RYR2: variants seen among roughly 807,000 people sequenced by gnomAD.
RYR2 encodes the protein cardiac muscle ryanodine receptor-calcium release channel.
In RYR2, 227 loss-of-function variants were observed where a neutral mutation model predicts 601.1. That is an observed-to-expected ratio of 0.38 (90% CI 0.34 to 0.42). RYR2 has a LOEUF of 0.42. Ranked by LOEUF, RYR2 falls within the 10% of genes least tolerant of loss-of-function variation. The probability of loss-of-function intolerance (pLI) is 1.00; values close to 1 mark genes in which losing one functional copy is unlikely to be tolerated. For synonymous variants in RYR2, 2,223 were observed against 2,175.1 expected, an observed-to-expected ratio of 1.02 and a Z score of -0.61; for missense variants, 4,646 against 6,156.5, an observed-to-expected ratio of 0.75 and a Z score of 8.21.
At chr1:237,532,316 C>G (rs962119574) in intron 25 of RYR2, among the ~76,000 whole-genome samples, 6 of 152,014 alleles carry the variant, frequency 3.9e-5, no homozygotes, top group African/African-American at 1.2e-4. Context: ...TGGTTGCATT[C>G]TTCGTTCACA....
chr1:237,832,683 A>ACC lies in RYR2; in HGVS notation c.*39_*40dup. On this transcript the variant is annotated 3_prime_UTR_variant, in exon 105 of 105. Coordinates refer to ENST00000366574, the MANE Select transcript of RYR2 (RefSeq NM_001035.3). ...AATCACCTCTAAAAACCAAAACCCT[A>ACC]CCCCTCTCTCTCCCTCTCTCAATTT... is the stretch of plus-strand genomic sequence containing the variant. 8.1e-7 allele frequency: 1 copy of ACC among 1,234,304 alleles called. No individual in the cohort carries two copies. Among genetic ancestry groups the ACC allele is most frequent in the Non-Finnish European group, 1.2e-6 (1 of 845,540 alleles). 76.5% of individuals were successfully genotyped at this position (1,234,304 alleles called of 1,614,324 possible).
At chr1:237,205,442 T>C (rs1681703261) in intron 1 of RYR2, among the ~76,000 whole-genome samples, 1 of 152,190 alleles carries the variant, frequency 6.6e-6, no homozygotes, top group Non-Finnish European at 1.5e-5. Context: ...TGCAAACATA[T>C]GGATGCCATG....
At chr1:237,384,230 C>T (rs16835188) in intron 8 of RYR2, among the ~76,000 whole-genome samples, 8,696 of 152,242 alleles carry the variant, frequency 0.057, 423 homozygotes, top group African/African-American at 0.12. Context: ...ATGGTTCTCT[C>T]ATATTTATTA....
At chr1:237,393,969 A>G (rs1702605282) in intron 10 of RYR2, among the ~76,000 whole-genome samples, 1 of 152,216 alleles carries the variant, frequency 6.6e-6, no homozygotes, top group South Asian at 2.1e-4. Context: ...CTTGGCAAAA[A>G]TGAAAAACAA....
At chr1:237,433,459 T>C (rs59364853) in intron 12 of RYR2, among the ~76,000 whole-genome samples, 27,999 of 152,050 alleles carry the variant, frequency 0.18, 4,165 homozygotes, top group African/African-American at 0.41. Context: ...GAACTTATAA[T>C]TATTGAAACA....
intron 1 of RYR2, among the ~76,000 whole-genome samples, chr1:237,189,857 A>G (rs781762835): frequency 4.7e-5 from 7 of 148,640 alleles, no homozygotes; most frequent in East Asian, 4.0e-4. Context: ...AGAAAATTCC[A>G]TACTGTTTTA....
chr1:237,626,419 C>T (rs949796609), intron 40 of RYR2, among the ~76,000 whole-genome samples: 3 of 151,616 alleles, frequency 2.0e-5, no homozygotes, highest in Non-Finnish European at 2.9e-5. Flanking sequence ...AATAAACTTA[C>T]GAAAACTTTT....
chr1:237,266,722 G>T (rs540437318), intron 1 of RYR2, among the ~76,000 whole-genome samples: 14 of 152,306 alleles, frequency 9.2e-5, no homozygotes, highest in African/African-American at 2.6e-4. Flanking sequence ...TGTCAGATTA[G>T]GTTGTATCAT....
At chr1:237,759,212 G>A (rs915529250) in intron 82 of RYR2, among the ~76,000 whole-genome samples, 9 of 151,998 alleles carry the variant, frequency 5.9e-5, no homozygotes, top group Non-Finnish European at 1.0e-4. Flanking sequence ...TCAGCCTCCC[G>A]AGTAGCTGGG....
chr1:237,702,404 A>G (rs1688041494), intron 66 of RYR2, among the ~76,000 whole-genome samples: 1 of 152,088 alleles, frequency 6.6e-6, no homozygotes, highest in South Asian at 2.1e-4. Context: ...TATTAAACCT[A>G]GTTTTATTTT....
At chr1:237,134,494 T>A (rs1230828409) in intron 1 of RYR2, among the ~76,000 whole-genome samples, 5 of 151,910 alleles carry the variant, frequency 3.3e-5, no homozygotes, top group Non-Finnish European at 2.9e-5. Context: ...AATCATCAGA[T>A]CTCATGAAAC....
intron 84 of RYR2, among the ~76,000 whole-genome samples, chr1:237,762,072 C>T (rs1441325024): frequency 6.6e-6 from 1 of 152,174 alleles, no homozygotes; most frequent in Non-Finnish European, 1.5e-5. Flanking sequence ...ATTGCTACCA[C>T]TATGTGGCTC....
At chr1:237,571,374 G>T (rs1451711136) in intron 29 of RYR2, among the ~76,000 whole-genome samples, 2 of 149,832 alleles carry the variant, frequency 1.3e-5, no homozygotes, top group Non-Finnish European at 3.0e-5. Flanking sequence ...GAGTGCAATG[G>T]CGCGATCTTG....
At chr1:237,615,166 A>G (rs1678331799) in intron 37 of RYR2, among the ~76,000 whole-genome samples, 1 of 151,998 alleles carries the variant, frequency 6.6e-6, no homozygotes, top group Admixed American at 6.6e-5. Flanking sequence ...TCACATAGCA[A>G]GGTTTTACTT....
chr1:237,616,960 G>A (rs768638931), intron 37 of RYR2, among the ~76,000 whole-genome samples: 3 of 152,060 alleles, frequency 2.0e-5, no homozygotes, highest in African/African-American at 7.2e-5. Flanking sequence ...ACAGCATGGG[G>A]GAAGACACCC....
chr1:237,765,519 T>C (rs12125297), intron 84 of RYR2, among the ~76,000 whole-genome samples: 9,391 of 152,314 alleles, frequency 0.062, 309 homozygotes, highest in Non-Finnish European at 0.079. Flanking sequence ...TATAATCATC[T>C]AATCAAATTT....
chr1:237,127,978 G>T (rs549520086), intron 1 of RYR2, among the ~76,000 whole-genome samples: 1 of 152,336 alleles, frequency 6.6e-6, no homozygotes, highest in East Asian at 1.9e-4. Context: ...CTTCCCAGAT[G>T]GGGTGGCGGC....
At chr1:237,825,950 CA>C (rs1420878709) in intron 101 of RYR2, among the ~76,000 whole-genome samples, 1 of 152,102 alleles carries the variant, frequency 6.6e-6, no homozygotes, top group Non-Finnish European at 1.5e-5. Context: ...AAATGCAAAT[CA>C]AAACCACAGT....
chr1:237,726,262 ATTTC>A lies in RYR2; in HGVS notation c.10690-6_10690-3del. The A allele has an allele frequency of 6.4e-7, 1 of 1,562,474 alleles. No individual in the cohort carries two copies. The highest frequency in any genetic ancestry group is 2.3e-5 in the East Asian group (1 of 43,788). On this transcript the variant is annotated splice_region_variant and splice_polypyrimidine_tract_variant and intron_variant, in intron 74 of 104. Transcript: ENST00000366574. ...CTTTTTTAGCTAACATAACATTTTT[ATTTC>A]TTTCAGAAGTCTAAACGTGTGGGTC...
Sources: allele counts gnomAD v4.1 joint callset (sites outside exome capture counted in the v4.1 genomes callset), GRCh38; gene constraint gnomAD v4.1.1; transcripts MANE v1.5; gene names NCBI Gene and HGNC (gene_info 2026-07-23, HGNC 2026-07-21).